POU6F2: variants seen among roughly 807,000 people sequenced by gnomAD.
POU6F2 encodes the protein POU domain, class 6, transcription factor 2.
A neutral mutation model predicts 71.3 loss-of-function variants in POU6F2; 31 were observed. That is an observed-to-expected ratio of 0.43 (90% CI 0.33 to 0.59). POU6F2 has a LOEUF of 0.59. POU6F2 is among the 20% of genes least tolerant of loss of function. The pLI, the probability that POU6F2 is intolerant of heterozygous loss-of-function variation, is 0.04. For missense variants in POU6F2, 783 were observed against 856.8 expected (o/e 0.91, Z 1.07); for synonymous variants, 347 against 355.7 (o/e 0.98, Z 0.27).
chr7:39,182,946 A>G (rs1793464276), intron 2 of POU6F2, among the ~76,000 whole-genome samples: 1 of 152,180 alleles, frequency 6.6e-6, no homozygotes. Context: ...TTTTCTGGGA[A>G]CCTTGCTTGG....
chr7:39,301,795 C>T (rs1784952764), intron 4 of POU6F2, among the ~76,000 whole-genome samples: 1 of 152,162 alleles, frequency 6.6e-6, no homozygotes, highest in South Asian at 2.1e-4. Flanking sequence ...CTTGCATGCT[C>T]AGTGATTTGT....
intron 6 of POU6F2, among the ~76,000 whole-genome samples, chr7:39,429,200 T>C (rs769278196): frequency 1.3e-5 from 2 of 152,088 alleles, no homozygotes; most frequent in Non-Finnish European, 2.9e-5. Flanking sequence ...CAACCTTTTC[T>C]TGCATTCAAC....
chr7:39,183,482 A>T (rs1486239145), intron 2 of POU6F2, among the ~76,000 whole-genome samples: 1 of 152,092 alleles, frequency 6.6e-6, no homozygotes, highest in African/African-American at 2.4e-5. Flanking sequence ...ACACTTTTAT[A>T]AACAACAAGA....
intron 8 of POU6F2, among the ~76,000 whole-genome samples, chr7:39,456,934 A>C (rs1404831211): frequency 2.0e-5 from 3 of 152,216 alleles, no homozygotes; most frequent in Non-Finnish European, 4.4e-5. Context: ...CATGGAAGAT[A>C]CTGGGCTCAG....
chr7:39,015,960 A>G (rs1789511822), intron 1 of POU6F2, among the ~76,000 whole-genome samples: 1 of 87,862 alleles, frequency 1.1e-5, no homozygotes, highest in Non-Finnish European at 2.0e-5. Context: ...TATATATTGT[A>G]TATTGATATA....
intron 1 of POU6F2, among the ~76,000 whole-genome samples, chr7:38,997,527 C>T (rs1394606091): frequency 6.6e-6 from 1 of 152,162 alleles, no homozygotes; most frequent in Non-Finnish European, 1.5e-5. Flanking sequence ...TTTTGGCATC[C>T]ACATTCTGTT....
intron 4 of POU6F2, among the ~76,000 whole-genome samples, chr7:39,222,518 T>A (rs1794389469): frequency 6.6e-6 from 1 of 152,172 alleles, no homozygotes. Context: ...TAGAACTTTT[T>A]CATCCTCCCC....
chr7:39,401,884 G>A (rs1381950049), intron 5 of POU6F2, among the ~76,000 whole-genome samples: 2 of 152,086 alleles, frequency 1.3e-5, no homozygotes, highest in Non-Finnish European at 2.9e-5. Context: ...ATAGATCATG[G>A]GCAATTATGC....
intron 2 of POU6F2, among the ~76,000 whole-genome samples, chr7:39,133,443 T>A (rs1302148603): frequency 6.6e-6 from 1 of 152,220 alleles, no homozygotes; most frequent in African/African-American, 2.4e-5. Context: ...AGAGAAGAGA[T>A]GTGTTTCAAA....
chr7:39,246,106 C>T (rs1783814316), intron 4 of POU6F2, among the ~76,000 whole-genome samples: 1 of 152,166 alleles, frequency 6.6e-6, no homozygotes, highest in Non-Finnish European at 1.5e-5. Context: ...TTTCTGTCAC[C>T]TGCTACTACC....
chr7:39,397,483 T>G (rs200978002), intron 5 of POU6F2, among the ~76,000 whole-genome samples: 57,788 of 142,274 alleles, frequency 0.41, 12,094 homozygotes, highest in East Asian at 0.7. Flanking sequence ...GAGAGACATA[T>G]ATATATATAT....
In POU6F2 at chr7:39,017,848, A is replaced by G. The variant is rs536161929; in HGVS notation, c.105+39790A>G. 1.3e-4 allele frequency among the ~76,000 whole-genome samples: 14 copies of G among 105,242 alleles called. 1 individual carries two copies. In the South Asian group the frequency reaches 4.2e-3, roughly 32 times the overall value. The allele number at this position is 105,242 out of a possible 152,430, so 69.0% of individuals were successfully genotyped here. On this transcript the variant is annotated intron_variant, in intron 1 of 9. Transcript: ENST00000518318. Reference sequence around the variant, plus strand: ...TGTGTGTGTGTGTGTGTGTGATTTGAGTGGATTTTTTTCAGAATTATCCTA... The same window carrying G: ...TGTGTGTGTGTGTGTGTGTGATTTGGGTGGATTTTTTTCAGAATTATCCTA...
intron 1 of POU6F2, among the ~76,000 whole-genome samples, chr7:39,015,821 T>TTATATATAGATATAA (rs1562670610): frequency 1.4e-5 from 1 of 70,510 alleles, no homozygotes; most frequent in African/African-American, 5.1e-5. Flanking sequence ...TAGGTATATA[T>TTATATATAGATATAA]TATATATAGA....
chr7:39,056,132 A>G (rs985312368), intron 1 of POU6F2, among the ~76,000 whole-genome samples: 3 of 152,098 alleles, frequency 2.0e-5, no homozygotes, highest in African/African-American at 7.2e-5. Flanking sequence ...AAATATGAAT[A>G]CAGGGCTGTC....
intron 4 of POU6F2, among the ~76,000 whole-genome samples, chr7:39,288,706 A>G (rs894028571): frequency 9.2e-5 from 14 of 152,228 alleles, no homozygotes; most frequent in African/African-American, 3.4e-4. Context: ...TATCAGGTAG[A>G]TGCTGACAAC....
intron 2 of POU6F2, among the ~76,000 whole-genome samples, chr7:39,180,119 C>G (rs1366232482): frequency 6.6e-6 from 1 of 152,098 alleles, no homozygotes; most frequent in African/African-American, 2.4e-5. Flanking sequence ...GCTGGAGAGG[C>G]AAATTGGCTG....
At chr7:39,151,604 T>C (rs1409547801) in intron 2 of POU6F2, among the ~76,000 whole-genome samples, 1 of 152,174 alleles carries the variant, frequency 6.6e-6, no homozygotes, top group Non-Finnish European at 1.5e-5. Flanking sequence ...CTATGACCCC[T>C]TTTTTTAAAA....
intron 1 of POU6F2, among the ~76,000 whole-genome samples, chr7:39,061,075 A>G (rs1394206498): frequency 6.6e-6 from 1 of 152,168 alleles, no homozygotes; most frequent in Non-Finnish European, 1.5e-5. Context: ...AATGCATGTT[A>G]AAATAAACTC....
intron 2 of POU6F2, among the ~76,000 whole-genome samples, chr7:39,170,215 T>C (rs1338472720): frequency 6.6e-6 from 1 of 152,210 alleles, no homozygotes; most frequent in Non-Finnish European, 1.5e-5. Context: ...TTTTGTTTAG[T>C]CTTTACATAT....
Sources: allele counts gnomAD v4.1 joint callset (sites outside exome capture counted in the v4.1 genomes callset), GRCh38; gene constraint gnomAD v4.1.1; transcripts MANE v1.5; gene names NCBI Gene and HGNC (gene_info 2026-07-23, HGNC 2026-07-21).